Variants in C8orf34 observed in about 807,000 individuals in gnomAD.
C8orf34 encodes the protein chromosome 8 open reading frame 34.
A neutral mutation model predicts 68.3 loss-of-function variants in C8orf34; 65 were observed. The observed-to-expected ratio is 0.95, with a 90% confidence interval of 0.78 to 1.17. The LOEUF (loss-of-function observed/expected upper bound fraction) is 1.17. C8orf34 is among the 50% of genes most tolerant of loss of function. The pLI, the probability that C8orf34 is intolerant of heterozygous loss-of-function variation, is 0.00. For synonymous variants in C8orf34, 244 were observed against 241.2 expected (o/e 1.01, Z -0.11); for missense variants, 664 against 655.4 (o/e 1.01, Z -0.14).
intron 6 of C8orf34, among the ~76,000 whole-genome samples, chr8:68,522,799 A>C (rs1400573221): frequency 6.6e-6 from 1 of 152,188 alleles, no homozygotes; most frequent in Non-Finnish European, 1.5e-5. Flanking sequence ...ACAAATATTC[A>C]TGAATGGAAA....
intron 8 of C8orf34, among the ~76,000 whole-genome samples, chr8:68,703,782 C>A (rs1306574683): frequency 6.6e-6 from 1 of 152,038 alleles, no homozygotes; most frequent in Non-Finnish European, 1.5e-5. Flanking sequence ...TGCCTTTCCT[C>A]CTTTCATGTT....
chr8:68,576,193 T>C (rs116613696), intron 7 of C8orf34, among the ~76,000 whole-genome samples: 2,259 of 151,562 alleles, frequency 0.015, 61 homozygotes, highest in African/African-American at 0.05. Flanking sequence ...ATCATCATCA[T>C]TCTGTATGTT....
chr8:68,716,308 A>G (rs1310692961), intron 9 of C8orf34, among the ~76,000 whole-genome samples: 1 of 152,128 alleles, frequency 6.6e-6, no homozygotes, highest in African/African-American at 2.4e-5. Context: ...CCAAAAACCT[A>G]TTGAAAAAAA....
chr8:68,506,266 C>T (rs1209583112), intron 5 of C8orf34, among the ~76,000 whole-genome samples: 1 of 152,112 alleles, frequency 6.6e-6, no homozygotes, highest in African/African-American at 2.4e-5. Flanking sequence ...GTGTATACTC[C>T]CACCAACAGT....
chr8:68,347,117 C>T (rs1806315638), intron 1 of C8orf34, among the ~76,000 whole-genome samples: 1 of 152,014 alleles, frequency 6.6e-6, no homozygotes, highest in Admixed American at 6.6e-5. Flanking sequence ...CCCTCCCACC[C>T]TCCACTCTCA....
At chr8:68,818,218 T>C in intron 13 of C8orf34, 21 bp from the exon 14 acceptor site, 1 of 1,611,722 alleles carries the variant, frequency 6.2e-7, no homozygotes, top group Non-Finnish European at 8.5e-7. Flanking sequence ...CATTTTCTTC[T>C]GTTTCATTTC....
At chr8:68,730,471 T>A (rs1289048286) in intron 10 of C8orf34, among the ~76,000 whole-genome samples, 2 of 152,142 alleles carry the variant, frequency 1.3e-5, no homozygotes, top group African/African-American at 4.8e-5. Context: ...CCTTTTGACA[T>A]TTCAGGTCTG....
intron 1 of C8orf34, among the ~76,000 whole-genome samples, chr8:68,425,854 A>G (rs958341752): frequency 6.6e-6 from 1 of 152,214 alleles, no homozygotes; most frequent in African/African-American, 2.4e-5. Context: ...GGAACAAAAC[A>G]TAATAGATAT....
chr8:68,419,486 C>T (rs987987847), intron 1 of C8orf34, among the ~76,000 whole-genome samples: 7 of 151,530 alleles, frequency 4.6e-5, no homozygotes, highest in African/African-American at 1.5e-4. Flanking sequence ...GGGTATATAC[C>T]CAAAGGACTA....
chr8:68,592,618 T>A (rs1345345429), intron 7 of C8orf34, among the ~76,000 whole-genome samples: 2 of 127,396 alleles, frequency 1.6e-5, no homozygotes, highest in African/African-American at 6.1e-5. Context: ...TTTTTTTTTT[T>A]TGAGATGGAG....
chr8:68,381,247 A>G (rs1212175556), intron 1 of C8orf34, among the ~76,000 whole-genome samples: 1 of 152,144 alleles, frequency 6.6e-6, no homozygotes, highest in Non-Finnish European at 1.5e-5. Context: ...CAAGTGCTCT[A>G]CTCTAAGTTT....
chr8:68,804,559 T>C (rs1330318693), intron 12 of C8orf34, among the ~76,000 whole-genome samples: 1 of 152,132 alleles, frequency 6.6e-6, no homozygotes, highest in African/African-American at 2.4e-5. Context: ...GGCAGACAGA[T>C]TGCTTGAGCC....
chr8:68,345,768 A>G (rs1258885129), intron 1 of C8orf34, among the ~76,000 whole-genome samples: 1 of 151,934 alleles, frequency 6.6e-6, no homozygotes, highest in South Asian at 2.1e-4. Context: ...TTTTTTGTGT[A>G]TTATATATAT....
At chr8:68,645,051 G>T (rs1180792759) in intron 8 of C8orf34, among the ~76,000 whole-genome samples, 1 of 152,176 alleles carries the variant, frequency 6.6e-6, no homozygotes, top group African/African-American at 2.4e-5. Context: ...GATAATTAGT[G>T]TTAAATTATG....
chr8:68,665,158 G>A (rs900076934), intron 8 of C8orf34, among the ~76,000 whole-genome samples: 4 of 152,162 alleles, frequency 2.6e-5, no homozygotes, highest in Admixed American at 6.5e-5. Context: ...GTAATGAACA[G>A]TCCATTTATT....
intron 4 of C8orf34, among the ~76,000 whole-genome samples, chr8:68,470,693 A>G (rs1223315518): frequency 2.0e-5 from 3 of 152,102 alleles, no homozygotes; most frequent in African/African-American, 7.2e-5. Context: ...CACCTTTGGT[A>G]TCTGATGAGG....
chr8:68,813,782 G>T (rs1824726612), intron 12 of C8orf34, among the ~76,000 whole-genome samples: 1 of 152,060 alleles, frequency 6.6e-6, no homozygotes, highest in South Asian at 2.1e-4. Flanking sequence ...CTTCATTCCT[G>T]TGAGATGCTT....
At chr8:68,455,335 T>G (rs1811502019) in intron 3 of C8orf34, among the ~76,000 whole-genome samples, 1 of 152,170 alleles carries the variant, frequency 6.6e-6, no homozygotes, top group Non-Finnish European at 1.5e-5. Flanking sequence ...AAGTGGGGAT[T>G]TTAAAGTCCA....
chr8:68,399,578 G>A (rs907399292), intron 1 of C8orf34, among the ~76,000 whole-genome samples: 4 of 152,098 alleles, frequency 2.6e-5, no homozygotes, highest in African/African-American at 9.7e-5. Flanking sequence ...CATTGAGGTT[G>A]ATTTTATATT....
Sources: gnomAD v4.1 joint callset for allele counts (sites outside exome capture counted in the v4.1 genomes callset) on GRCh38, gnomAD v4.1.1 for gene constraint, MANE v1.5 for transcripts, NCBI Gene and HGNC (gene_info 2026-07-23, HGNC 2026-07-21) for gene names.